Variants in TMEM178B observed in about 807,000 individuals in gnomAD.
The protein encoded by TMEM178B is transmembrane protein 178B.
In TMEM178B, 5 loss-of-function variants were observed where a neutral mutation model predicts 31.0. The ratio of observed to expected loss-of-function variants is 0.16; its 90% CI spans 0.08 to 0.34. The LOEUF is 0.34. TMEM178B is among the 10% of genes least tolerant of loss of function. TMEM178B has a pLI of 1.00. For missense variants in TMEM178B, 275 were observed against 400.3 expected (o/e 0.69, Z 2.67); for synonymous variants, 164 against 164.0 (o/e 1.00, Z 0.00).
intron 2 of TMEM178B, among the ~76,000 whole-genome samples, chr7:141,220,518 A>AG (rs1797240884): frequency 6.7e-6 from 1 of 149,910 alleles, no homozygotes; most frequent in Non-Finnish European, 1.5e-5. Flanking sequence ...GAGATGACCT[A>AG]GGGGGAGGGA....
chr7:141,192,870 G>A (rs891603459), intron 1 of TMEM178B, among the ~76,000 whole-genome samples: 3 of 152,180 alleles, frequency 2.0e-5, no homozygotes, highest in African/African-American at 7.2e-5. Flanking sequence ...ACATCTCTGC[G>A]ATGTGCGTTT....
At chr7:141,135,651 TAAG>T (rs1474676605) in intron 1 of TMEM178B, among the ~76,000 whole-genome samples, 7 of 152,180 alleles carry the variant, frequency 4.6e-5, no homozygotes, top group Admixed American at 6.5e-5. Flanking sequence ...GTGAAGATCT[TAAG>T]AAGGAAGTTA....
chr7:141,426,778 T>C (rs919106842), intron 2 of TMEM178B, among the ~76,000 whole-genome samples: 1 of 152,158 alleles, frequency 6.6e-6, no homozygotes, highest in Non-Finnish European at 1.5e-5. Flanking sequence ...ATTATGTAGT[T>C]ATATAGAGAG....
chr7:141,195,839 T>A (rs1796774295), intron 1 of TMEM178B, among the ~76,000 whole-genome samples: 1 of 152,212 alleles, frequency 6.6e-6, no homozygotes, highest in Admixed American at 6.5e-5. Context: ...CGAAAGGCAC[T>A]TCTTACGTGG....
chr7:141,292,884 C>T (rs1466446831), intron 2 of TMEM178B, among the ~76,000 whole-genome samples: 4 of 152,134 alleles, frequency 2.6e-5, no homozygotes, highest in South Asian at 2.1e-4. Context: ...ATGATCTGCC[C>T]GCATCAGCCT....
intron 2 of TMEM178B, among the ~76,000 whole-genome samples, chr7:141,420,090 G>T (rs374009266): frequency 6.6e-6 from 1 of 152,026 alleles, no homozygotes; most frequent in Non-Finnish European, 1.5e-5. Context: ...TATTGAGAGC[G>T]CTTTCTTGAC....
At chr7:141,406,556 C>T (rs1368574177) in intron 2 of TMEM178B, among the ~76,000 whole-genome samples, 1 of 152,188 alleles carries the variant, frequency 6.6e-6, no homozygotes, top group East Asian at 1.9e-4. Flanking sequence ...GATGTTGTTA[C>T]ACAATTACTA....
At chr7:141,427,790 A>G (rs1433326214) in intron 2 of TMEM178B, among the ~76,000 whole-genome samples, 3 of 152,368 alleles carry the variant, frequency 2.0e-5, no homozygotes, top group African/African-American at 7.2e-5. Flanking sequence ...GAAAATAGCT[A>G]CAAACTATAC....
intron 1 of TMEM178B, among the ~76,000 whole-genome samples, chr7:141,086,114 C>A (rs1404037619): frequency 6.6e-6 from 1 of 152,090 alleles, no homozygotes. Flanking sequence ...TTGCTCACTG[C>A]AACCTCCATC....
intron 3 of TMEM178B, among the ~76,000 whole-genome samples, chr7:141,442,938 G>A (rs1801687655): frequency 6.6e-6 from 1 of 152,152 alleles, no homozygotes; most frequent in Non-Finnish European, 1.5e-5. Context: ...TGTGATCAAG[G>A]CGTCAGCTGG....
intron 2 of TMEM178B, among the ~76,000 whole-genome samples, chr7:141,387,576 A>G (rs1563168271): frequency 2.0e-5 from 3 of 152,192 alleles, no homozygotes; most frequent in East Asian, 1.9e-4. Context: ...TTTAAATGCC[A>G]TAGTCAATCA....
At position 141,079,812 on chromosome 7, in the gene TMEM178B, G is replaced by A. The variant is rs374395664; in HGVS notation, c.382+5120G>A. On this transcript the variant is annotated intron_variant, in intron 1 of 3. Coordinates refer to ENST00000565468, the MANE Select transcript of TMEM178B (RefSeq NM_001195278.2). ...TAATTTATTGTTCATAATAACCCTA[G>A]GAAGTATAAGTATTATTTTAAATTC... 1.4e-4 allele frequency among the ~76,000 whole-genome samples: 22 copies of A among 152,156 alleles called. 1 individual carries two copies. The highest frequency in any genetic ancestry group is 5.1e-4 in the African/African-American group (21 of 41,524).
intron 2 of TMEM178B, among the ~76,000 whole-genome samples, chr7:141,324,581 A>G (rs756446095): frequency 6.6e-6 from 1 of 151,814 alleles, no homozygotes; most frequent in Non-Finnish European, 1.5e-5. Context: ...GGGATGCAGC[A>G]TCCCATGCCT....
At chr7:141,480,640 G>T (rs74662024), downstream of TMEM178B, among the ~76,000 whole-genome samples, 268 of 152,326 alleles carry the variant, frequency 1.8e-3, 1 homozygote, top group East Asian at 0.041. Flanking sequence ...GAGGGAAACT[G>T]TTGTTCTTTT....
intron 1 of TMEM178B, among the ~76,000 whole-genome samples, chr7:141,178,123 G>A (rs577502463): frequency 2.6e-5 from 4 of 152,254 alleles, no homozygotes; most frequent in Admixed American, 2.6e-4. Flanking sequence ...AGGAGCTCTT[G>A]TAGGGCAGGC....
At chr7:141,335,784 T>TA (rs759481872) in intron 2 of TMEM178B, among the ~76,000 whole-genome samples, 3 of 152,042 alleles carry the variant, frequency 2.0e-5, no homozygotes, top group Admixed American at 6.6e-5. Flanking sequence ...CGGGTGATGT[T>TA]AGAGGGAAGG....
chr7:141,090,115 G>A (rs1361704511), intron 1 of TMEM178B, among the ~76,000 whole-genome samples: 1 of 152,210 alleles, frequency 6.6e-6, no homozygotes, highest in East Asian at 1.9e-4. Flanking sequence ...ATACAGAGAA[G>A]CCTACTGCCA....
chr7:141,452,587 G>A (rs1801885543), intron 3 of TMEM178B, among the ~76,000 whole-genome samples: 1 of 152,078 alleles, frequency 6.6e-6, no homozygotes, highest in Non-Finnish European at 1.5e-5. Context: ...TACTATTGCA[G>A]TAGTTTGGGA....
intron 2 of TMEM178B, among the ~76,000 whole-genome samples, chr7:141,268,819 T>G (rs1310561038): frequency 6.6e-6 from 1 of 152,202 alleles, no homozygotes; most frequent in Non-Finnish European, 1.5e-5. Flanking sequence ...ATGCATCAGT[T>G]TTGAGATACT....
Sources: allele counts gnomAD v4.1 joint callset (sites outside exome capture counted in the v4.1 genomes callset), GRCh38; gene constraint gnomAD v4.1.1; transcripts MANE v1.5; gene names NCBI Gene and HGNC (gene_info 2026-07-23, HGNC 2026-07-21).